Variants in MFF observed in about 807,000 individuals in gnomAD.
MFF encodes mitochondrial fission factor, also known as chromosome 2 open reading frame 33.
In MFF, 12 loss-of-function variants were observed where a neutral mutation model predicts 36.9. That is an observed-to-expected ratio of 0.33 (90% confidence interval 0.21 to 0.53). MFF has a LOEUF of 0.53. Ranked by LOEUF, MFF falls within the 20% of genes least tolerant of loss-of-function variation. MFF has a pLI of 0.95. For synonymous variants in MFF, 99 were observed against 126.2 expected (o/e 0.78, Z 1.44); for missense variants, 348 against 366.6 (o/e 0.95, Z 0.42).
At position 227,342,683 on chromosome 2, in the gene MFF, T is replaced by A. The variant is rs569706627; in HGVS notation, c.440+2303T>A. 3 of 1,349,378 alleles carry A rather than the reference T, an allele frequency of 2.2e-6. No individual in the cohort carries two copies. The African/African-American group carries it at 4.4e-5, about 20-fold the overall frequency. 83.6% of individuals were successfully genotyped at this position (1,349,378 alleles called of 1,614,324 possible). Reference sequence around the variant, plus strand: ...GTGAATTCTAAACAGTAAAATCAGATCTAGCTTTTTCTTTGTGTTATAAAA... The same window carrying A: ...GTGAATTCTAAACAGTAAAATCAGAACTAGCTTTTTCTTTGTGTTATAAAA... On this transcript the variant is annotated intron_variant, in intron 5 of 8. Transcript: ENST00000304593.
At chr2:227,332,263 C>T (rs1472376666) in intron 3 of MFF, among the ~76,000 whole-genome samples, 156 bp from the exon 4 acceptor site, 3 of 152,024 alleles carry the variant, frequency 2.0e-5, no homozygotes, top group South Asian at 2.1e-4. Context: ...TGAGCCACCG[C>T]GCCCGGCCTG....
intron 7 of MFF, among the ~76,000 whole-genome samples, chr2:227,354,545 G>A (rs1314579193): frequency 6.6e-6 from 1 of 152,198 alleles, no homozygotes; most frequent in South Asian, 2.1e-4. Context: ...GTATCTCAAT[G>A]AAGCTATTAA....
intron 7 of MFF, 165 bp from the exon 8 acceptor site, chr2:227,355,512 C>T (rs2076212540): frequency 7.7e-6 from 3 of 389,850 alleles, no homozygotes; most frequent in Middle Eastern, 6.9e-4. Flanking sequence ...TTTTTTCTTT[C>T]CTTTATTAGT....
intron 1 of MFF, among the ~76,000 whole-genome samples, chr2:227,325,843 A>G (rs2074065504): frequency 6.6e-6 from 1 of 152,198 alleles, no homozygotes; most frequent in African/African-American, 2.4e-5. Flanking sequence ...TTACAGGCTG[A>G]CCTTAAACCT....
At chr2:227,351,391 T>C (rs974975224) in intron 6 of MFF, among the ~76,000 whole-genome samples, 1 of 83,270 alleles carries the variant, frequency 1.2e-5, no homozygotes, top group Non-Finnish European at 2.8e-5. Flanking sequence ...AATTGAATTA[T>C]CAGAAAATAA....
chr2:227,356,832 G>A (rs186133527), intron 8 of MFF, among the ~76,000 whole-genome samples, 154 bp from the exon 9 acceptor site: 15 of 152,292 alleles, frequency 9.8e-5, no homozygotes, highest in African/African-American at 3.4e-4. Context: ...TTTTCTATGT[G>A]TAGTTGTGTT....
At chr2:227,355,232 T>C (rs981827878) in intron 7 of MFF, 3 of 152,130 alleles carry the variant, frequency 2.0e-5, no homozygotes, top group African/African-American at 7.2e-5. Flanking sequence ...AGGTGATGAG[T>C]CTTTCTTTTT....
intron 1 of MFF, among the ~76,000 whole-genome samples, chr2:227,327,717 A>G (rs1441138271): frequency 1.3e-5 from 2 of 152,260 alleles, no homozygotes; most frequent in South Asian, 2.1e-4. Context: ...CTGAAATGCA[A>G]TGAATGGAAT....
intron 5 of MFF, among the ~76,000 whole-genome samples, chr2:227,343,447 A>G (rs2075526723): frequency 6.6e-6 from 1 of 152,200 alleles, no homozygotes; most frequent in Non-Finnish European, 1.5e-5. Context: ...CCGAAAGCCA[A>G]CAGTTTTCCT....
At chr2:227,356,563 C>G (rs879835399) in intron 8 of MFF, among the ~76,000 whole-genome samples, 70 of 152,050 alleles carry the variant, frequency 4.6e-4, no homozygotes, top group Non-Finnish European at 8.7e-4. Context: ...ATGCCAGGTT[C>G]AAGATGAACA....
In MFF at chr2:227,352,534, C is replaced by T; in HGVS notation, c.620C>T (p.Ser207Phe). 6.2e-7 allele frequency: 1 copy of T among 1,613,776 alleles called. No individual in the cohort carries two copies. The highest frequency in any genetic ancestry group is 8.5e-7 in the Non-Finnish European group (1 of 1,179,784). Residue 207 changes from serine (S) to phenylalanine (F), a missense_variant, in exon 7 of 9, where the codon TCT (serine) becomes TTT (phenylalanine). Coordinates refer to ENST00000304593, the MANE Select transcript of MFF (RefSeq NM_001277062.2). ...CTTAGACCTGTGTTGCGTGGTGGGT[C>T]TGCTGCCGCCACTTCTAATCCTCAT... ...ENRRPVLRGG[S>F]AAATSNPHHD...
rs780859318 is a variant in MFF at position 227,357,150 on chromosome 2, A to G, written c.*33A>G. ...ATCAGCCCTCAAAAATACTGTCTCA[A>G]CAGCTGGAAATATAAAAGATTTGCA... On this transcript the variant is annotated 3_prime_UTR_variant, in exon 9 of 9. Transcript: ENST00000304593. 3 of 1,595,176 alleles carry G rather than the reference A, an allele frequency of 1.9e-6. No homozygotes were observed. The highest frequency in any genetic ancestry group is 1.7e-6 in the Non-Finnish European group (2 of 1,173,208).
chr2:227,332,822 T>C (rs573497473), intron 4 of MFF, among the ~76,000 whole-genome samples: 2 of 152,270 alleles, frequency 1.3e-5, no homozygotes, highest in African/African-American at 2.4e-5. Context: ...ATTAAGTTCC[T>C]GTGGTTTGAA....
chr2:227,329,682 TA>T, intron 2 of MFF: 2 of 1,195,434 alleles, frequency 1.7e-6, no homozygotes, highest in Non-Finnish European at 1.3e-6. Flanking sequence ...TTGTGTAAAG[TA>T]AACTGAACTG....
chr2:227,329,857 G>A (rs1356094669), intron 2 of MFF: 2 of 936,190 alleles, frequency 2.1e-6, no homozygotes, highest in East Asian at 5.1e-5. Context: ...TACTGCCGTA[G>A]GCTAACCATG....
At chr2:227,329,907 ATTCT>A in intron 2 of MFF, 1 of 559,134 alleles carries the variant, frequency 1.8e-6, no homozygotes, top group East Asian at 3.1e-5. Context: ...TGGCGGCAAC[ATTCT>A]TTCTACTGCA....
At chr2:227,338,380 AAAAG>A (rs2075164579) in intron 4 of MFF, among the ~76,000 whole-genome samples, 1 of 151,258 alleles carries the variant, frequency 6.6e-6, no homozygotes, top group Non-Finnish European at 1.5e-5. Flanking sequence ...AAAAAAAAAA[AAAAG>A]AAAAGAAAAA....
At chr2:227,346,057 T>A (rs539978369) in intron 5 of MFF, among the ~76,000 whole-genome samples, 5 of 152,296 alleles carry the variant, frequency 3.3e-5, no homozygotes, top group African/African-American at 9.6e-5. Flanking sequence ...TTTTTTAATT[T>A]TCTGGGACTC....
chr2:227,343,607 C>G (rs1322289268), intron 5 of MFF, among the ~76,000 whole-genome samples: 1 of 152,018 alleles, frequency 6.6e-6, no homozygotes, highest in East Asian at 1.9e-4. Context: ...TTGTTTTACC[C>G]TATTTTTTGG....
Sources: allele counts gnomAD v4.1 joint callset (sites outside exome capture counted in the v4.1 genomes callset), GRCh38; gene constraint gnomAD v4.1.1; transcripts MANE v1.5; gene names NCBI Gene and HGNC (gene_info 2026-07-23, HGNC 2026-07-21).